NOTCH1: variants seen among roughly 807,000 people sequenced by gnomAD.
NOTCH1 encodes notch receptor 1, also known as neurogenic locus notch homolog protein 1.
In NOTCH1, 37 loss-of-function variants were observed where a neutral mutation model predicts 254.8. That is an observed-to-expected ratio of 0.15 (90% CI 0.11 to 0.19). NOTCH1 has a LOEUF of 0.19. Among genes scored for constraint, NOTCH1 ranks in the 10% least tolerant of loss-of-function variants. The pLI is 1.00. For synonymous variants in NOTCH1, 1,731 were observed against 1,618.1 expected (o/e 1.07, Z -1.68); for missense variants, 2,972 against 3,708.6 (o/e 0.80, Z 5.16).
At chr9:136,512,918 TGG>T in intron 15 of NOTCH1, 101 bp downstream of exon 15, 8 of 83,324 alleles carry the variant, frequency 9.6e-5, no homozygotes, top group South Asian at 1.5e-4. Context: ...CCCCCACCCC[TGG>T]CCCCACCCTC....
chr9:136,544,109 AG>A lies in NOTCH1; in HGVS notation c.62-8del. The A allele has an allele frequency of 6.4e-7, 1 of 1,566,684 alleles. No homozygotes were observed. Among genetic ancestry groups the A allele is most frequent in the Non-Finnish European group, 8.6e-7 (1 of 1,156,818 alleles). On this transcript the variant is annotated splice_region_variant and splice_polypyrimidine_tract_variant and intron_variant, in intron 1 of 33. Transcript: ENST00000651671. ...GGCTGGGAGCATCGCGGGCCTAGGC[AG>A]GGGCAGGAGAAGAGAGGTCAGTCTC...
In NOTCH1 at chr9:136,517,295, T is replaced by G. The variant is rs1843291398; in HGVS notation, c.1532A>C (p.Glu511Ala). The G allele has an allele frequency of 1.9e-6, 3 of 1,607,856 alleles. No individual in the cohort carries two copies. The highest frequency in any genetic ancestry group is 2.5e-6 in the Non-Finnish European group (3 of 1,177,554). Residue 511 changes from glutamate (E) to alanine (A), a missense_variant, in exon 9 of 34, where the codon GAG becomes GCG. Physicochemically the swap from Glu to Ala is moderately radical, Grantham distance 107. Coordinates refer to ENST00000651671, the MANE Select transcript of NOTCH1 (RefSeq NM_017617.5). ...HNGRCLDKIN[E>A]FQCECPTGFT... ...ACCCGTGGGGCACTCGCACTGGAAC[T>G]CATTGATCTTGTCCAGGCAGCGGCC...
In NOTCH1 at chr9:136,510,747, T is replaced by C. The variant is rs61751550; in HGVS notation, c.2646A>G (p.Ala882=). 3 of 1,610,752 alleles carry C rather than the reference T, an allele frequency of 1.9e-6. No individual in the cohort carries two copies. The highest frequency in any genetic ancestry group is 1.7e-5 in the Admixed American group (1 of 59,996). ...AGCCGCCGTGGGTGTTCTGGCAGGA[T>C]GCGCCGTGCCGGCACGGGCTCAGAA... is the stretch of plus-strand genomic sequence containing the variant. The part of the protein sequence containing the change: ...ECVLSPCRHG[A]SCQNTHGGYR... Residue 882 remains alanine (A), a synonymous_variant, in exon 17 of 34, where the codon GCA becomes GCG. Coordinates refer to ENST00000651671, the MANE Select transcript of NOTCH1 (RefSeq NM_017617.5).
intron 5 of NOTCH1, among the ~76,000 whole-genome samples, chr9:136,519,025 T>C (rs1441166954): frequency 2.0e-5 from 3 of 152,230 alleles, no homozygotes. Flanking sequence ...CTGTGGACAC[T>C]GCTGCGTCGG....
chr9:136,502,390 G>T lies in NOTCH1; in HGVS notation c.5266C>A (p.Leu1756Met). ...LLFFVGCGVLLSRKRRRQHGQ... is the reference protein window; with the variant it reads ...LLFFVGCGVLMSRKRRRQHGQ... ...TGCTGCCGCCGGCGCTTGCGGGACA[G>T]CAGCACCCCGCAGCCCACGAAGAAC... is the stretch of plus-strand genomic sequence containing the variant. Residue 1756 changes from leucine (L) to methionine (M), a missense_variant, in exon 28 of 34, where the codon CTG becomes ATG. Leu to Met is a conservative substitution (Grantham distance 15, BLOSUM62 2). This residue lies in a region of NOTCH1 where 421 missense variants were observed against 604.4 expected (regional missense o/e 0.70). Transcript: ENST00000651671. 6.2e-7 allele frequency: 1 copy of T among 1,612,032 alleles called. No individual in the cohort carries two copies. Among genetic ancestry groups the T allele is most frequent in the African/African-American group, 1.3e-5 (1 of 75,038 alleles).
rs561956078 is a variant in NOTCH1, at chr9:136,513,100, C to T, written c.2388G>A (p.Ala796=). The T allele has an allele frequency of 1.1e-4, 185 of 1,612,726 alleles. No homozygotes were observed. Among genetic ancestry groups the T allele is most frequent in the South Asian group, 3.0e-4 (27 of 91,062 alleles). Residue 796 remains alanine, a synonymous_variant, in exon 15 of 34, where the codon GCG becomes GCA. Transcript: ENST00000651671. The surrounding 1 kb of genome is among the most constrained non-coding windows in gnomAD (Gnocchi z 4.7). ...TGCCCTGGTTCAGACATGGGTTGGACGCACACTCGTTGATGTTGGTCTGGC... is the reference window on the plus strand; with the variant it reads ...TGCCCTGGTTCAGACATGGGTTGGATGCACACTCGTTGATGTTGGTCTGGC... ...PNCQTNINEC[A]SNPCLNQGTC... is the part of the protein sequence containing the mutation.
In NOTCH1 at chr9:136,505,039, C is replaced by T. The variant is rs774068657; in HGVS notation, c.4652G>A (p.Ser1551Asn). The change falls in exon 26 of 34, where the codon AGC becomes AAC. Residue 1551 changes from serine (S) to asparagine (N), a missense_variant. Ser to Asn is a conservative substitution (Grantham distance 46). Coordinates refer to ENST00000651671, the MANE Select transcript of NOTCH1 (RefSeq NM_017617.5). The part of the protein sequence containing the change: ...SDGHCDQGCN[S>N]AECEWDGLDC... The stretch of plus-strand genomic sequence containing the variant: ...CAGCCCGTCCCACTCGCACTCCGCG[C>T]TGTTGCAGCCCTGGTCGCAGTGCCC... 6.2e-7 allele frequency: 1 copy of T among 1,610,388 alleles called. No individual in the cohort carries two copies. Among genetic ancestry groups the T allele is most frequent in the African/African-American group, 1.3e-5 (1 of 74,894 alleles).
intron 2 of NOTCH1, among the ~76,000 whole-genome samples, chr9:136,527,686 C>G (rs1315886306): frequency 1.3e-5 from 2 of 152,210 alleles, no homozygotes; most frequent in Non-Finnish European, 2.9e-5. Flanking sequence ...GCCAGGTGTG[C>G]CCCCGTGGAC....
chr9:136,515,629 G>A lies in NOTCH1; in HGVS notation c.1757C>T (p.Thr586Ile), dbSNP rs1843254040. 8 of 1,603,900 alleles carry A rather than the reference G, an allele frequency of 5.0e-6. No individual in the cohort carries two copies. The highest frequency in any genetic ancestry group is 5.1e-6 in the Non-Finnish European group (6 of 1,177,524). Residue 586 changes from threonine (T) to isoleucine (I), a missense_variant, in exon 11 of 34, where the codon ACC (threonine) becomes ATC (isoleucine). Thr to Ile is a moderately conservative substitution (Grantham distance 89). This residue lies in a region of NOTCH1 where 128 missense variants were observed against 193.8 expected (regional missense o/e 0.66). Transcript: ENST00000651671. ...HYGSCKDGVA[T>I]FTCLCRPGYT... ...GCCTGGGCGGCAGAGGCAGGTGAAGGTGGCGACGCCGTCCTTGCAGGAGCC... is the reference window on the plus strand; with the variant it reads ...GCCTGGGCGGCAGAGGCAGGTGAAGATGGCGACGCCGTCCTTGCAGGAGCC...
rs1411857384 is a variant in NOTCH1, at chr9:136,495,054, C to A, written c.*1017G>T. 1 of 399,020 alleles carries A rather than the reference C, an allele frequency of 2.5e-6. No homozygotes were observed. 24.7% of individuals were successfully genotyped at this position (399,020 alleles called of 1,614,324 possible). On this transcript the variant is annotated 3_prime_UTR_variant, in exon 34 of 34. Coordinates refer to ENST00000651671, the MANE Select transcript of NOTCH1 (RefSeq NM_017617.5). ...CACGGGAGCCCACGGGGGGTCGGGT[C>A]CCGCGAGCTGGGGCCCAGGCTGTGT...
rs537272134 is a variant in NOTCH1, at chr9:136,496,776, G to A, written c.6963C>T (p.Asn2321=). The change falls in exon 34 of 34, where the codon AAC becomes AAT. Residue 2321 remains asparagine (N), a synonymous_variant. Transcript: ENST00000651671. ...LSRLQSGMVP[N]QYNPLRGSVA... ...CACTCCCCCGCAGAGGGTTGTATTG[G>A]TTCGGCACCATGCCGCTCTGCAGCC... 1.4e-5 allele frequency: 23 copies of A among 1,612,854 alleles called. No homozygotes were observed. In the South Asian group the frequency reaches 2.2e-4, roughly 15 times the overall value.
intron 26 of NOTCH1, among the ~76,000 whole-genome samples, chr9:136,503,941 A>G (rs1260827526): frequency 6.6e-6 from 1 of 152,196 alleles, no homozygotes; most frequent in East Asian, 1.9e-4. Context: ...TCGAGTAGGC[A>G]TGGGCGGGAG....
chr9:136,511,824 C>T (rs1350167926), intron 15 of NOTCH1, among the ~76,000 whole-genome samples: 4 of 152,312 alleles, frequency 2.6e-5, no homozygotes, highest in Non-Finnish European at 5.9e-5. Context: ...CGTGTCGGGG[C>T]ACGGGGCACG....
Position 136,512,676 on chromosome 9 carries a change from A to C in NOTCH1, c.2467+345T>G, listed in dbSNP as rs967584555. Reference sequence around the variant, plus strand: ...TGACCCAGGCCCGGCCCTGCTAAGGATTCACCTGCATCTTACCTGTGTCTT... The same window carrying C: ...TGACCCAGGCCCGGCCCTGCTAAGGCTTCACCTGCATCTTACCTGTGTCTT... On this transcript the variant is annotated intron_variant, in intron 15 of 33. Coordinates refer to ENST00000651671, the MANE Select transcript of NOTCH1 (RefSeq NM_017617.5). Among the ~76,000 whole-genome samples, 5 of 152,290 alleles carry C rather than the reference A, an allele frequency of 3.3e-5. No individual in the cohort carries two copies. The East Asian group carries it at 9.7e-4, about 29-fold the overall frequency.
At chr9:136,498,126 G>A (rs1332156528) in intron 33 of NOTCH1, among the ~76,000 whole-genome samples, 1 of 152,140 alleles carries the variant, frequency 6.6e-6, no homozygotes, top group Non-Finnish European at 1.5e-5. Flanking sequence ...ATGCTGCCAC[G>A]GACTGGGGAG....
chr9:136,495,925 C>T lies in NOTCH1; in HGVS notation c.*146G>A. On this transcript the variant is annotated 3_prime_UTR_variant, in exon 34 of 34. Transcript: ENST00000651671. The stretch of plus-strand genomic sequence containing the variant: ...TAAAATAAAAGTACATAAATAAATA[C>T]TAAAAAAAATTAAAATCCTCGTTCT... 1 of 865,374 alleles carries T rather than the reference C, an allele frequency of 1.2e-6. No individual in the cohort carries two copies. Among genetic ancestry groups the T allele is most frequent in the Non-Finnish European group, 1.7e-6 (1 of 585,800 alleles). The allele number at this position is 865,374 out of a possible 1,614,324, so 53.6% of individuals were successfully genotyped here. A position where few individuals can be genotyped will look rare whatever the true frequency, so the allele number is the denominator to read the frequency against.
In NOTCH1 at chr9:136,494,486, A is replaced by C. The variant is rs1842887858; in HGVS notation, c.*1585T>G. 2.5e-6 allele frequency: 1 copy of C among 398,934 alleles called. No individual in the cohort carries two copies. The highest frequency in any genetic ancestry group is 1.3e-4 in the South Asian group (1 of 7,868). The allele number at this position is 398,934 out of a possible 1,614,324, so 24.7% of individuals were successfully genotyped here. On this transcript the variant is annotated 3_prime_UTR_variant, in exon 34 of 34. Coordinates refer to ENST00000651671, the MANE Select transcript of NOTCH1 (RefSeq NM_017617.5). ...TTTATTGCAAATCAGTTAACAAAAA[A>C]GATGAAAAAAATACATCATCTACAG... is the stretch of plus-strand genomic sequence containing the variant.
rs146240760 is a variant in NOTCH1, at chr9:136,516,528, C to T, written c.1556-434G>A. 4.7e-3 allele frequency among the ~76,000 whole-genome samples: 716 copies of T among 152,352 alleles called. 4 individuals are homozygous for T. Among genetic ancestry groups the T allele is most frequent in the African/African-American group, 0.016 (666 of 41,592 alleles). ...CCTGAGAGTTCCTCCAAGTCCGCCC[C>T]GGGCAGCCATCATCTCCATTGCAGG... On this transcript the variant is annotated intron_variant, in intron 9 of 33. Transcript: ENST00000651671.
In NOTCH1 at chr9:136,507,328, C is replaced by T; in HGVS notation, c.3620G>A (p.Cys1207Tyr). Residue 1207 changes from cysteine (C) to tyrosine (Y), a missense_variant, in exon 22 of 34, where the codon TGC becomes TAC. Coordinates refer to ENST00000651671, the MANE Select transcript of NOTCH1 (RefSeq NM_017617.5). ...ACCCTGAGTGCCCCGTGGGCAGGAGCACTTGTAGGTGTTGGGGAGGTCGAG... is the reference window on the plus strand; with the variant it reads ...ACCCTGAGTGCCCCGTGGGCAGGAGTACTTGTAGGTGTTGGGGAGGTCGAG... ...TCLDLPNTYK[C>Y]SCPRGTQGVH... is the part of the protein sequence containing the mutation. 6.2e-7 allele frequency: 1 copy of T among 1,612,950 alleles called. No individual in the cohort carries two copies. The highest frequency in any genetic ancestry group is 8.5e-7 in the Non-Finnish European group (1 of 1,179,940).
Sources: gnomAD v4.1 joint callset for allele counts (sites outside exome capture counted in the v4.1 genomes callset) on GRCh38, gnomAD v4.1.1 for gene constraint, gnomAD v4.1.1 regional missense constraint, Gnocchi (gnomAD v3.1) non-coding constraint, MANE v1.5 for transcripts, NCBI Gene and HGNC (gene_info 2026-07-23, HGNC 2026-07-21) for gene names.